NAALADL2: variants seen among roughly 807,000 people sequenced by gnomAD.
The protein encoded by NAALADL2 is inactive N-acetylated-alpha-linked acidic dipeptidase-like protein 2.
A neutral mutation model predicts 87.2 loss-of-function variants in NAALADL2; 76 were observed. That is an observed-to-expected ratio of 0.87 (90% CI 0.72 to 1.05). The LOEUF is 1.05. Ranked by LOEUF, NAALADL2 falls within the 50% of genes least tolerant of loss-of-function variation. NAALADL2 has a pLI of 0.00. For missense variants in NAALADL2, 1,089 were observed against 945.8 expected, an observed-to-expected ratio of 1.15 and a Z score of -1.99; for synonymous variants, 354 against 331.0, an observed-to-expected ratio of 1.07 and a Z score of -0.75.
At chr3:175,055,202 G>A (rs1373362122) in intron 1 of NAALADL2, among the ~76,000 whole-genome samples, 7 of 152,176 alleles carry the variant, frequency 4.6e-5, no homozygotes, top group East Asian at 3.9e-4. Flanking sequence ...CCTCCTGTTC[G>A]TTTAATTTCA....
chr3:174,813,960 C>G lies in NAALADL2; in HGVS notation c.-9+76214C>G, dbSNP rs140495033. Among the ~76,000 whole-genome samples the G allele has an allele frequency of 5.7e-3, 874 of 152,162 alleles. 10 individuals carry two copies. Among genetic ancestry groups the G allele is most frequent in the African/African-American group, 0.02 (833 of 41,490 alleles). ...AAGTCATTACATATGCACTCCACCCCACAGACATACATATCTTCATTCCAT... is the reference window on the plus strand; with the variant it reads ...AAGTCATTACATATGCACTCCACCCGACAGACATACATATCTTCATTCCAT... On this transcript the variant is annotated intron_variant, in intron 3 of 3. Transcript: ENST00000434257.
At chr3:174,913,412 G>A (rs940996398) in intron 1 of NAALADL2, among the ~76,000 whole-genome samples, 6 of 152,088 alleles carry the variant, frequency 3.9e-5, no homozygotes, top group Admixed American at 1.3e-4. Context: ...GAAAAACCGT[G>A]TTTACTGTTA....
chr3:174,705,823 A>C (rs1388814359), intron 2 of NAALADL2, among the ~76,000 whole-genome samples: 1 of 152,092 alleles, frequency 6.6e-6, no homozygotes, highest in African/African-American at 2.4e-5. Context: ...GGTCTCTTAA[A>C]TTATCAGTGT....
At chr3:175,112,960 G>T (rs943797082) in intron 2 of NAALADL2, among the ~76,000 whole-genome samples, 5 of 151,606 alleles carry the variant, frequency 3.3e-5, no homozygotes, top group Non-Finnish European at 7.4e-5. Context: ...TTCAGGAAAG[G>T]TTGAACAAAG....
intron 1 of NAALADL2, among the ~76,000 whole-genome samples, chr3:175,032,815 GT>G (rs1371235120): frequency 1.3e-5 from 2 of 151,938 alleles, no homozygotes; most frequent in Non-Finnish European, 2.9e-5. Flanking sequence ...GTGTCATCAA[GT>G]TACTTAGGAG....
chr3:174,620,162 A>G (rs1037245269), intron 2 of NAALADL2, among the ~76,000 whole-genome samples: 2 of 152,002 alleles, frequency 1.3e-5, no homozygotes, highest in Non-Finnish European at 2.9e-5. Context: ...CATTTGGAAA[A>G]TATTAATTAA....
In NAALADL2 at chr3:175,241,855, A is replaced by ATTT. The variant is rs779567135; in HGVS notation, c.819+7671_819+7673dup. On this transcript the variant is annotated intron_variant, in intron 3 of 13. Coordinates refer to ENST00000454872, the MANE Select transcript of NAALADL2 (RefSeq NM_207015.3). Reference sequence around the variant, plus strand: ...TAGTGAGAAAGTATCTGGATGCTGAATTTTTTTTTTTTTTTTTTTTTTCTT... The same window carrying ATTT: ...TAGTGAGAAAGTATCTGGATGCTGAATTTTTTTTTTTTTTTTTTTTTTTTTCTT... Among the ~76,000 whole-genome samples the ATTT allele has an allele frequency of 9.2e-3, 771 of 83,738 alleles. 40 individuals carry two copies. Among genetic ancestry groups the ATTT allele is most frequent in the African/African-American group, 0.032 (678 of 21,472 alleles). 54.9% of individuals were successfully genotyped at this position (83,738 alleles called of 152,430 possible). A position where few individuals can be genotyped will look rare whatever the true frequency, so the allele number is the denominator to read the frequency against.
chr3:174,784,790 T>G (rs1716401328), intron 3 of NAALADL2, among the ~76,000 whole-genome samples: 1 of 152,202 alleles, frequency 6.6e-6, no homozygotes, highest in Non-Finnish European at 1.5e-5. Context: ...CTCAGAATTT[T>G]GGAATGTTTA....
chr3:175,358,961 C>A (rs1764686561), intron 5 of NAALADL2, among the ~76,000 whole-genome samples: 1 of 152,078 alleles, frequency 6.6e-6, no homozygotes, highest in Non-Finnish European at 1.5e-5. Flanking sequence ...GTGAAAATGA[C>A]AAGCCATGGA....
chr3:174,840,069 C>T (rs1404895990), intron 3 of NAALADL2, among the ~76,000 whole-genome samples: 1 of 151,728 alleles, frequency 6.6e-6, no homozygotes. Flanking sequence ...TATAGCAGCA[C>T]AATTCGTAAT....
intron 1 of NAALADL2, among the ~76,000 whole-genome samples, chr3:174,953,575 A>T (rs1740729269): frequency 6.6e-6 from 1 of 151,964 alleles, no homozygotes; most frequent in South Asian, 2.1e-4. Flanking sequence ...CAATAACAAT[A>T]AATTTGGCTG....
intron 1 of NAALADL2, among the ~76,000 whole-genome samples, chr3:174,956,948 TCTC>T (rs897535217): frequency 6.6e-5 from 10 of 152,002 alleles, no homozygotes; most frequent in Non-Finnish European, 1.3e-4. Flanking sequence ...CACAAGCCAT[TCTC>T]CTCCTTTTCA....
At chr3:174,719,413 A>G (rs1731499818) in intron 2 of NAALADL2, among the ~76,000 whole-genome samples, 1 of 152,124 alleles carries the variant, frequency 6.6e-6, no homozygotes, top group Admixed American at 6.5e-5. Context: ...AAAGTTGTAG[A>G]TTTTCTTGAT....
At chr3:174,648,098 T>G (rs919222719) in intron 2 of NAALADL2, among the ~76,000 whole-genome samples, 1 of 152,304 alleles carries the variant, frequency 6.6e-6, no homozygotes, top group South Asian at 2.1e-4. Context: ...AAGTACAGTA[T>G]AATAAAATAT....
intron 1 of NAALADL2, among the ~76,000 whole-genome samples, chr3:174,508,113 G>GTT (rs1560020933): frequency 4.3e-5 from 4 of 92,942 alleles, no homozygotes; most frequent in African/African-American, 1.2e-4. Flanking sequence ...GATATCTAGT[G>GTT]GTTTTTTTTT....
intron 11 of NAALADL2, among the ~76,000 whole-genome samples, chr3:175,708,006 A>T (rs1030873286): frequency 6.6e-6 from 1 of 150,578 alleles, no homozygotes; most frequent in Non-Finnish European, 1.5e-5. Flanking sequence ...ACATGGGGGA[A>T]AAAAAAACAA....
At chr3:174,766,725 A>T (rs1267698618) in intron 3 of NAALADL2, among the ~76,000 whole-genome samples, 1 of 152,186 alleles carries the variant, frequency 6.6e-6, no homozygotes, top group Non-Finnish European at 1.5e-5. Context: ...TTATTTATTT[A>T]ACAAATATTT....
intron 13 of NAALADL2, among the ~76,000 whole-genome samples, chr3:175,760,556 C>A (rs1204713584): frequency 6.6e-6 from 1 of 152,192 alleles, no homozygotes; most frequent in Non-Finnish European, 1.5e-5. Context: ...TACAAAGCAT[C>A]ACAAAATATC....
chr3:175,081,671 G>A (rs140637022), intron 1 of NAALADL2, among the ~76,000 whole-genome samples: 1 of 151,960 alleles, frequency 6.6e-6, no homozygotes, highest in Non-Finnish European at 1.5e-5. Flanking sequence ...TTTATTTAAG[G>A]CTTCAAAGCA....
Sources: gnomAD v4.1 joint callset for allele counts (sites outside exome capture counted in the v4.1 genomes callset) on GRCh38, gnomAD v4.1.1 for gene constraint, MANE v1.5 for transcripts, NCBI Gene and HGNC (gene_info 2026-07-23, HGNC 2026-07-21) for gene names.